The following LRRTM4 variants were observed in gnomAD, a reference collection of about 807,000 sequenced individuals.
LRRTM4 encodes the protein leucine rich repeat transmembrane neuronal 4, also known as leucine-rich repeat transmembrane neuronal protein 4.
A neutral mutation model predicts 47.6 loss-of-function variants in LRRTM4; 25 were observed. That is an observed-to-expected ratio of 0.53 (90% CI 0.38 to 0.73). The LOEUF is 0.73. LRRTM4 is among the 30% of genes least tolerant of loss of function. The pLI, the probability that LRRTM4 is intolerant of heterozygous loss-of-function variation, is 0.00. For missense variants in LRRTM4, 638 were observed against 713.4 expected (o/e 0.89, Z 1.20); for synonymous variants, 311 against 269.5 (o/e 1.15, Z -1.51).
intron 3 of LRRTM4, among the ~76,000 whole-genome samples, chr2:77,047,496 A>C (rs1320416911): frequency 6.6e-6 from 1 of 151,958 alleles, no homozygotes; most frequent in Admixed American, 6.6e-5. Context: ...CCCTCCGTGC[A>C]CTTCCGGTGG....
intron 3 of LRRTM4, among the ~76,000 whole-genome samples, chr2:77,033,801 T>C (rs1341719143): frequency 2.6e-5 from 4 of 151,840 alleles, no homozygotes; most frequent in Admixed American, 6.6e-5. Context: ...TAATAATGTC[T>C]TATTAAATGA....
At chr2:76,890,112 C>A (rs1053699526) in intron 3 of LRRTM4, among the ~76,000 whole-genome samples, 1 of 151,940 alleles carries the variant, frequency 6.6e-6, no homozygotes, top group Non-Finnish European at 1.5e-5. Context: ...AAAAGCAAGA[C>A]GGAATCTGAG....
chr2:76,984,943 C>A (rs1286136479), intron 3 of LRRTM4, among the ~76,000 whole-genome samples: 1 of 151,918 alleles, frequency 6.6e-6, no homozygotes, highest in Admixed American at 6.6e-5. Flanking sequence ...CGTTTCAGAG[C>A]AAAATAATTA....
chr2:76,758,426 T>C (rs1009365437), intron 3 of LRRTM4, among the ~76,000 whole-genome samples: 1 of 152,136 alleles, frequency 6.6e-6, no homozygotes, highest in Non-Finnish European at 1.5e-5. Flanking sequence ...GACATACACA[T>C]GCTTGATACA....
At chr2:76,957,791 C>T (rs1039502368) in intron 3 of LRRTM4, among the ~76,000 whole-genome samples, 1 of 151,610 alleles carries the variant, frequency 6.6e-6, no homozygotes. Context: ...CTCATAATGG[C>T]ACACACTCAC....
At chr2:77,383,583 T>A (rs1217382212) in intron 3 of LRRTM4, among the ~76,000 whole-genome samples, 1 of 152,108 alleles carries the variant, frequency 6.6e-6, no homozygotes, top group Non-Finnish European at 1.5e-5. Flanking sequence ...GTAAATATGA[T>A]TAATAATTAT....
At chr2:76,998,309 G>A (rs1282254883) in intron 3 of LRRTM4, among the ~76,000 whole-genome samples, 3 of 151,934 alleles carry the variant, frequency 2.0e-5, no homozygotes, top group Admixed American at 6.6e-5. Flanking sequence ...AAGTTTAGAG[G>A]GTTACATCAC....
Position 77,509,231 on chromosome 2 carries a change from CA to C in LRRTM4, c.1551+9086del, listed in dbSNP as rs3085637. Among the ~76,000 whole-genome samples the C allele has an allele frequency of 8.5e-3, 1,172 of 138,214 alleles. 9 individuals carry two copies. Among genetic ancestry groups the C allele is most frequent in the African/African-American group, 0.021 (762 of 36,778 alleles). 90.7% of individuals were successfully genotyped at this position (138,214 alleles called of 152,430 possible). ...TGGGCAACAGAGTGAGACTCTGTATCAAAAAAAAAAAAAAAGCCAAAAACAA... is the reference window on the plus strand; with the variant it reads ...TGGGCAACAGAGTGAGACTCTGTATCAAAAAAAAAAAAAAGCCAAAAACAA... On this transcript the variant is annotated intron_variant, in intron 3 of 3. Coordinates refer to ENST00000409884, the MANE Select transcript of LRRTM4 (RefSeq NM_001134745.3).
chr2:77,139,778 T>C (rs1226389288), intron 3 of LRRTM4, among the ~76,000 whole-genome samples: 1 of 152,150 alleles, frequency 6.6e-6, no homozygotes, highest in Admixed American at 6.5e-5. Flanking sequence ...CAGCAAAGTC[T>C]CAGGATACAA....
At chr2:77,250,881 A>G (rs1033313812) in intron 3 of LRRTM4, among the ~76,000 whole-genome samples, 2 of 152,088 alleles carry the variant, frequency 1.3e-5, no homozygotes, top group Admixed American at 6.5e-5. Flanking sequence ...AGGAGGGCAG[A>G]TCACCTGAGG....
intron 3 of LRRTM4, among the ~76,000 whole-genome samples, chr2:77,476,302 T>A (rs1038816616): frequency 3.3e-5 from 5 of 152,096 alleles, no homozygotes; most frequent in Non-Finnish European, 5.9e-5. Context: ...ACTTTCTAGT[T>A]GTTTAAGGAT....
intron 3 of LRRTM4, among the ~76,000 whole-genome samples, chr2:77,083,956 C>T (rs1680622877): frequency 1.3e-5 from 2 of 151,494 alleles, no homozygotes; most frequent in Admixed American, 1.3e-4. Context: ...AGGCGCCCGC[C>T]ACTGCGCCTG....
At chr2:77,260,055 A>G (rs191792299) in intron 3 of LRRTM4, among the ~76,000 whole-genome samples, 1 of 152,078 alleles carries the variant, frequency 6.6e-6, no homozygotes, top group Non-Finnish European at 1.5e-5. Context: ...TAAAATAACC[A>G]GTCTAATAGA....
chr2:77,072,009 T>A (rs1368866492), intron 3 of LRRTM4, among the ~76,000 whole-genome samples: 1 of 152,186 alleles, frequency 6.6e-6, no homozygotes, highest in Non-Finnish European at 1.5e-5. Flanking sequence ...CATTGAATTA[T>A]GCAACTCCTC....
At chr2:76,819,763 C>T (rs767843267) in intron 3 of LRRTM4, among the ~76,000 whole-genome samples, 2 of 151,912 alleles carry the variant, frequency 1.3e-5, no homozygotes, top group Non-Finnish European at 2.9e-5. Flanking sequence ...GGAATTTGCT[C>T]ATATTTCAGC....
At chr2:77,100,638 T>C (rs1670928358) in intron 3 of LRRTM4, among the ~76,000 whole-genome samples, 1 of 152,110 alleles carries the variant, frequency 6.6e-6, no homozygotes, top group East Asian at 1.9e-4. Flanking sequence ...CATATTTAAA[T>C]TGGTTTAAAA....
chr2:77,279,913 T>C (rs145473258), intron 3 of LRRTM4, among the ~76,000 whole-genome samples: 118 of 152,082 alleles, frequency 7.8e-4, no homozygotes, highest in African/African-American at 2.6e-3. Context: ...ACTCTTGCCA[T>C]AACATAGAAA....
chr2:77,485,327 A>C (rs1302226164), intron 3 of LRRTM4, among the ~76,000 whole-genome samples: 1 of 152,176 alleles, frequency 6.6e-6, no homozygotes, highest in Non-Finnish European at 1.5e-5. Context: ...TCACAGGGAA[A>C]ACTGAAGATA....
intron 3 of LRRTM4, among the ~76,000 whole-genome samples, chr2:76,963,561 T>C (rs748073864): frequency 3.3e-5 from 5 of 150,986 alleles, no homozygotes; most frequent in African/African-American, 4.8e-5. Flanking sequence ...ATTTATTTCT[T>C]CCTTGAGAAT....
Sources: gnomAD v4.1 joint callset for allele counts (sites outside exome capture counted in the v4.1 genomes callset) on GRCh38, gnomAD v4.1.1 for gene constraint, MANE v1.5 for transcripts, NCBI Gene and HGNC (gene_info 2026-07-23, HGNC 2026-07-21) for gene names.